Variants in ASPDH observed in about 807,000 individuals in gnomAD.
ASPDH encodes the protein aspartate dehydrogenase domain containing.
A neutral mutation model predicts 30.5 loss-of-function variants in ASPDH; 25 were observed. The ratio of observed to expected loss-of-function variants is 0.82; its 90% CI spans 0.60 to 1.14. ASPDH has a LOEUF of 1.14. Ranked by LOEUF, ASPDH falls within the 50% of genes most tolerant of loss-of-function variation. ASPDH has a pLI of 0.00. For synonymous variants in ASPDH, 168 were observed against 156.3 expected (o/e 1.07, Z -0.56); for missense variants, 401 against 381.5 (o/e 1.05, Z -0.43).
chr19:50,512,260 C>T lies in ASPDH; in HGVS notation c.684G>A (p.Glu228=), dbSNP rs1255655325. Reference sequence around the variant, plus strand: ...CCGTGGGGCCCCGGGGTCCGCTCAGCTCTACATCCACCACGTGCATGTCCG... The same window carrying T: ...CCGTGGGGCCCCGGGGTCCGCTCAGTTCTACATCCACCACGTGCATGTCCG... ...SLTDMHVVDV[E]LSGPRGPTGR... The change falls in exon 6 of 7, where the codon GAG becomes GAA. Residue 228 remains glutamate, a synonymous_variant. Coordinates refer to ENST00000389208, the MANE Select transcript of ASPDH (RefSeq NM_001114598.2). 6.2e-7 allele frequency: 1 copy of T among 1,613,246 alleles called. No homozygotes were observed. The highest frequency in any genetic ancestry group is 1.3e-5 in the African/African-American group (1 of 74,932).
chr19:50,513,636 G>A lies in ASPDH; in HGVS notation c.52+136C>T. On this transcript the variant is annotated intron_variant, in intron 1 of 6. Coordinates refer to ENST00000389208, the MANE Select transcript of ASPDH (RefSeq NM_001114598.2). The surrounding 1 kb of genome is among the most constrained non-coding windows in gnomAD (Gnocchi z 4.9). ...GACGGAGAGGACAGAGACCTGGGGT[G>A]GGGGTGCAGTGGGCAGACCCAGAGA... The A allele has an allele frequency of 7.7e-6, 6 of 782,690 alleles. No individual in the cohort carries two copies. In the South Asian group the frequency reaches 8.7e-5, roughly 11 times the overall value. The allele number at this position is 782,690 out of a possible 1,614,324, so 48.5% of individuals were successfully genotyped here. A position where few individuals can be genotyped will look rare whatever the true frequency, so the allele number is the denominator to read the frequency against.
In ASPDH at chr19:50,512,112, CGGGGGAGA is replaced by C. The variant is rs1979943181; in HGVS notation, c.808+16_808+23del. 6.6e-7 allele frequency: 1 copy of C among 1,515,478 alleles called. No individual in the cohort carries two copies. Among genetic ancestry groups the C allele is most frequent in the Admixed American group, 2.2e-5 (1 of 46,020 alleles). The allele number at this position is 1,515,478 out of a possible 1,614,324, so 93.9% of individuals were successfully genotyped here. A position where few individuals can be genotyped will look rare whatever the true frequency, so the allele number is the denominator to read the frequency against. ...TCTGCAGAACACAGGAGCCCAGGGC[CGGGGGAGA>C]GGGGCCTGGCCGCACCCAGGAGGCT... On this transcript the variant is annotated intron_variant, in intron 6 of 6. Coordinates refer to ENST00000389208, the MANE Select transcript of ASPDH (RefSeq NM_001114598.2).
Position 50,513,509 on chromosome 19 carries a change from A to T in ASPDH, c.53-93T>A, listed in dbSNP as rs1601360560. On this transcript the variant is annotated intron_variant, in intron 1 of 6. Coordinates refer to ENST00000389208, the MANE Select transcript of ASPDH (RefSeq NM_001114598.2). This position sits in a 1 kb window ranked among gnomAD's most constrained non-coding sequence, Gnocchi z 4.9. Reference sequence around the variant, plus strand: ...GGTGGGGACAGAGACCCAGAGAGAGAGGAGGTGGGGACAGACTCAGATTGC... The same window carrying T: ...GGTGGGGACAGAGACCCAGAGAGAGTGGAGGTGGGGACAGACTCAGATTGC... The T allele has an allele frequency of 7.6e-7, 1 of 1,312,218 alleles. No homozygotes were observed. The highest frequency in any genetic ancestry group is 2.6e-5 in the East Asian group (1 of 38,014). The allele number at this position is 1,312,218 out of a possible 1,614,324, so 81.3% of individuals were successfully genotyped here. A position where few individuals can be genotyped will look rare whatever the true frequency, so the allele number is the denominator to read the frequency against.
chr19:50,511,784 A>C lies in ASPDH; in HGVS notation c.809-11T>G. 2 of 1,261,458 alleles carry C rather than the reference A, an allele frequency of 1.6e-6. No homozygotes were observed. The highest frequency in any genetic ancestry group is 2.0e-6 in the Non-Finnish European group (2 of 995,378). The allele number at this position is 1,261,458 out of a possible 1,614,324, so 78.1% of individuals were successfully genotyped here. A position where few individuals can be genotyped will look rare whatever the true frequency, so the allele number is the denominator to read the frequency against. ...GGAGCTGGCAGCAGGCTGCGGGGAG[A>C]GGGGAATGAGCGAATGAGACAGAGG... On this transcript the variant is annotated splice_polypyrimidine_tract_variant and intron_variant, in intron 6 of 6. Transcript: ENST00000389208.
upstream of ASPDH, chr19:50,514,377 G>A (rs978708940): frequency 4.5e-5 from 68 of 1,524,300 alleles, 1 homozygote; most frequent in Admixed American, 8.4e-5. Flanking sequence ...TTGCCTCAGC[G>A]GGTCCAACCT....
At position 50,513,697 on chromosome 19, in the gene ASPDH, T is replaced by G; in HGVS notation, c.52+75A>C. 1 of 1,159,878 alleles carries G rather than the reference T, an allele frequency of 8.6e-7. No homozygotes were observed. The highest frequency in any genetic ancestry group is 1.2e-6 in the Non-Finnish European group (1 of 800,030). 71.8% of individuals were successfully genotyped at this position (1,159,878 alleles called of 1,614,324 possible). Reference sequence around the variant, plus strand: ...GGCAGATAGAGAGAGAAAAAAGTGTTTGTGGAGGGCAGAGAGTCTTGGGAG... The same window carrying G: ...GGCAGATAGAGAGAGAAAAAAGTGTGTGTGGAGGGCAGAGAGTCTTGGGAG... On this transcript the variant is annotated intron_variant, in intron 1 of 6. Coordinates refer to ENST00000389208, the MANE Select transcript of ASPDH (RefSeq NM_001114598.2). The surrounding 1 kb of genome is among the most constrained non-coding windows in gnomAD (Gnocchi z 4.9).
chr19:50,515,098 C>T, upstream of ASPDH: 2 of 985,350 alleles, frequency 2.0e-6, no homozygotes, highest in Non-Finnish European at 2.4e-6. Context: ...CCCATAGTGC[C>T]CATAGCTGCC....
chr19:50,514,653 G>T (rs1568710224), upstream of ASPDH: 10 of 1,573,228 alleles, frequency 6.4e-6, no homozygotes, highest in African/African-American at 1.3e-5. Flanking sequence ...TGTGCCTTGA[G>T]GGTGCCTGGC....
At chr19:50,514,967 G>GAT (rs1980173270), upstream of ASPDH, 2 of 985,456 alleles carry the variant, frequency 2.0e-6, no homozygotes, top group African/African-American at 3.5e-5. Flanking sequence ...CCCCCGGTGT[G>GAT]GGAGAGATGA....
Position 50,512,654 on chromosome 19 carries a change from G to A in ASPDH, c.432+7C>T, listed in dbSNP as rs558713732. 1,908 of 1,533,722 alleles carry A rather than the reference G, an allele frequency of 1.2e-3. 6 individuals are homozygous for A. The highest frequency in any genetic ancestry group is 1.5e-3 in the Admixed American group (69 of 46,864). ...CCCTGGTTCCTGGGGAGCCCAGCAG[G>A]CCTCACCCGGAGGCCCCCAGCTGCA... On this transcript the variant is annotated splice_region_variant and intron_variant, in intron 4 of 6. Transcript: ENST00000389208.
chr19:50,513,100 C>A lies in ASPDH; in HGVS notation c.198-89G>T. 1 of 1,316,700 alleles carries A rather than the reference C, an allele frequency of 7.6e-7. No homozygotes were observed. The highest frequency in any genetic ancestry group is 1.4e-5 in the South Asian group (1 of 71,524). 81.6% of individuals were successfully genotyped at this position (1,316,700 alleles called of 1,614,324 possible). On this transcript the variant is annotated intron_variant, in intron 2 of 6. Transcript: ENST00000389208. This position sits in a 1 kb window ranked among gnomAD's most constrained non-coding sequence, Gnocchi z 4.9. ...CCCTCCGAGTCTACTGAGGGCTGCC[C>A]TTCTTCTCCCTGACCTGGGAGGCGA...
chr19:50,514,799 AT>A (rs1422246221), upstream of ASPDH: 35 of 466,830 alleles, frequency 7.5e-5, no homozygotes, highest in Middle Eastern at 4.4e-3. Context: ...GAACGGGAGC[AT>A]GGGGTGGGGG....
chr19:50,512,991 TC>T lies in ASPDH; in HGVS notation c.217del (p.Glu73LysfsTer7). ...ATGGATTATTTTGGGATGGGCCACT[TC>T]CACAACCAGATCAGGGCGCCTGGGA... is the stretch of plus-strand genomic sequence containing the variant. The part of the protein sequence containing the change: ...LGERRPDLVV[E>X]VAHPKIIHES... On this transcript the variant is annotated frameshift_variant, in exon 3 of 7. Transcript: ENST00000389208. LOFTEE classifies it high-confidence loss of function. The T allele has an allele frequency of 6.2e-7, 1 of 1,613,570 alleles. No homozygotes were observed. The highest frequency in any genetic ancestry group is 8.5e-7 in the Non-Finnish European group (1 of 1,179,788).
rs745541815 is a variant in ASPDH, at chr19:50,512,193, C to G, written c.751G>C (p.Glu251Gln). ...AVHTRRENPAEPGAVTGSATV... is the reference protein window; with the variant it reads ...AVHTRRENPAQPGAVTGSATV... ...GCGGAGCCGGTGACCGCGCCTGGCT[C>G]GGCAGGGTTCTCTCTGCGGGTGTGC... The change falls in exon 6 of 7, where the codon GAG (glutamate) becomes CAG (glutamine). Residue 251 changes from glutamate to glutamine, a missense_variant. Glu to Gln is a conservative substitution (Grantham distance 29). Transcript: ENST00000389208. 2 of 1,605,948 alleles carry G rather than the reference C, an allele frequency of 1.2e-6. No homozygotes were observed. The highest frequency in any genetic ancestry group is 2.2e-5 in the East Asian group (1 of 44,638).
In ASPDH at chr19:50,513,001, G is replaced by C; in HGVS notation, c.208C>G (p.Leu70Val). The change falls in exon 3 of 7, where the codon CTG becomes GTG. Residue 70 changes from leucine to valine, a missense_variant. Coordinates refer to ENST00000389208, the MANE Select transcript of ASPDH (RefSeq NM_001114598.2). This position sits in a 1 kb window ranked among gnomAD's most constrained non-coding sequence, Gnocchi z 4.9. ...TTGGGATGGGCCACTTCCACAACCA[G>C]ATCAGGGCGCCTGGGAGAGGGGAAA... ...LAALGERRPD[L>V]VVEVAHPKII... 6.2e-7 allele frequency: 1 copy of C among 1,613,348 alleles called. No homozygotes were observed. The highest frequency in any genetic ancestry group is 2.2e-5 in the East Asian group (1 of 44,874).
intron 6 of ASPDH, 84 bp downstream of exon 6, chr19:50,512,052 A>G: frequency 1.7e-6 from 2 of 1,182,296 alleles, no homozygotes; most frequent in Non-Finnish European, 2.3e-6. Context: ...CAGAACCAGA[A>G]CTGCAGAACT....
At chr19:50,511,978 G>C in intron 6 of ASPDH, 158 bp downstream of exon 6, 1 of 625,152 alleles carries the variant, frequency 1.6e-6, no homozygotes, top group Non-Finnish European at 2.4e-6. Context: ...ACAGTGCCAG[G>C]ATTCAAAGTC....
At position 50,513,761 on chromosome 19, in the gene ASPDH, CAG is replaced by C. The variant is rs760879776; in HGVS notation, c.52+9_52+10del. On this transcript the variant is annotated intron_variant, in intron 1 of 6. Transcript: ENST00000389208. The surrounding 1 kb of genome is among the most constrained non-coding windows in gnomAD (Gnocchi z 4.9). ...TTTGGGGAAGGAGGCCAAGGATGGTCAGGGACTCACCGAGGCGGCCATAGCCC... is the reference window on the plus strand; with the variant it reads ...TTTGGGGAAGGAGGCCAAGGATGGTCGGACTCACCGAGGCGGCCATAGCCC... 1 of 1,541,046 alleles carries C rather than the reference CAG, an allele frequency of 6.5e-7. No individual in the cohort carries two copies. Among genetic ancestry groups the C allele is most frequent in the Non-Finnish European group, 8.8e-7 (1 of 1,137,592 alleles).
Position 50,513,224 on chromosome 19 carries a change from G to A in ASPDH, c.197+48C>T. On this transcript the variant is annotated intron_variant, in intron 2 of 6. Transcript: ENST00000389208. The surrounding 1 kb of genome is among the most constrained non-coding windows in gnomAD (Gnocchi z 4.9). ...GATCACACAGTGGCTAAGAGAGCCA[G>A]GACAGGAGCTTCAGGGAGCTCCACT... 7.0e-7 allele frequency: 1 copy of A among 1,434,190 alleles called. No homozygotes were observed. The highest frequency in any genetic ancestry group is 1.8e-4 in the Middle Eastern group (1 of 5,470). 88.8% of individuals were successfully genotyped at this position (1,434,190 alleles called of 1,614,324 possible).
Sources: gnomAD v4.1 joint callset for allele counts on GRCh38, gnomAD v4.1.1 for gene constraint, Gnocchi (gnomAD v3.1) non-coding constraint, MANE v1.5 for transcripts, NCBI Gene and HGNC (gene_info 2026-07-23, HGNC 2026-07-21) for gene names.